The following NXN variants were observed in gnomAD, a reference collection of about 807,000 sequenced individuals.
NXN encodes nucleoredoxin.
A neutral mutation model predicts 48.6 loss-of-function variants in NXN; 16 were observed. That is an observed-to-expected ratio of 0.33 (90% CI 0.22 to 0.50). The LOEUF is 0.50. NXN is among the 20% of genes least tolerant of loss of function. The pLI is 0.98. For synonymous variants in NXN, 281 were observed against 269.6 expected, an observed-to-expected ratio of 1.04 and a Z score of -0.41; for missense variants, 492 against 605.5, an observed-to-expected ratio of 0.81 and a Z score of 1.97.
intron 1 of NXN, among the ~76,000 whole-genome samples, chr17:852,877 T>C (rs922169045): frequency 2.6e-5 from 4 of 152,190 alleles, no homozygotes; most frequent in Non-Finnish European, 5.9e-5. Context: ...AGGATGCCTA[T>C]TTCCCCAGGA....
intron 5 of NXN, among the ~76,000 whole-genome samples, chr17:810,166 CG>C (rs1911879618): frequency 3.1e-5 from 3 of 95,330 alleles, no homozygotes; most frequent in Non-Finnish European, 5.9e-5. Context: ...GTGCACGTTA[CG>C]AGTCTGTGAC....
intron 1 of NXN, among the ~76,000 whole-genome samples, chr17:859,759 TGAAAG>T (rs1234942531): frequency 6.6e-5 from 10 of 152,200 alleles, no homozygotes; most frequent in African/African-American, 2.4e-4. Context: ...TCCTTCTCTC[TGAAAG>T]GCCTGGCCCT....
At chr17:951,156 G>A (rs1449605634) in intron 1 of NXN, among the ~76,000 whole-genome samples, 5 of 126,786 alleles carry the variant, frequency 3.9e-5, no homozygotes, top group African/African-American at 1.5e-4. Context: ...GGCCAACATG[G>A]TGAAACCCTG....
At chr17:916,822 C>T (rs778538181) in intron 1 of NXN, among the ~76,000 whole-genome samples, 2 of 152,058 alleles carry the variant, frequency 1.3e-5, no homozygotes, top group Non-Finnish European at 1.5e-5. Flanking sequence ...CACTTGAACC[C>T]GGGAGGTGGA....
At chr17:903,170 G>A (rs1288756037) in intron 1 of NXN, among the ~76,000 whole-genome samples, 1 of 151,936 alleles carries the variant, frequency 6.6e-6, no homozygotes, top group Admixed American at 6.6e-5. Context: ...CAGTTATGAC[G>A]TGCTCACCTC....
intron 1 of NXN, among the ~76,000 whole-genome samples, chr17:943,952 A>G (rs963458105): frequency 1.3e-5 from 2 of 151,868 alleles, no homozygotes; most frequent in African/African-American, 4.8e-5. Flanking sequence ...AAATAACAAT[A>G]TTTGGCCGGG....
intron 1 of NXN, among the ~76,000 whole-genome samples, chr17:950,716 C>G (rs1381435810): frequency 6.6e-6 from 1 of 152,026 alleles, no homozygotes; most frequent in African/African-American, 2.4e-5. Context: ...TATAAGGAGG[C>G]TCAGAGGATG....
chr17:836,430 C>A (rs1913829649), intron 1 of NXN, among the ~76,000 whole-genome samples: 1 of 152,208 alleles, frequency 6.6e-6, no homozygotes, highest in Admixed American at 6.5e-5. Flanking sequence ...ACAATCAAAA[C>A]CATCCTTTCT....
At chr17:876,833 G>A (rs2068221779) in intron 1 of NXN, among the ~76,000 whole-genome samples, 1 of 152,054 alleles carries the variant, frequency 6.6e-6, no homozygotes, top group South Asian at 2.1e-4. Flanking sequence ...GATCACCTGA[G>A]GTCGGGAGTT....
intron 1 of NXN, among the ~76,000 whole-genome samples, chr17:844,743 C>G (rs1027081898): frequency 1.3e-5 from 2 of 152,082 alleles, no homozygotes; most frequent in African/African-American, 4.8e-5. Context: ...TGCCACCATA[C>G]CCGGCTAATT....
intron 1 of NXN, among the ~76,000 whole-genome samples, chr17:912,854 T>C (rs1024800110): frequency 6.6e-6 from 1 of 151,990 alleles, no homozygotes; most frequent in Non-Finnish European, 1.5e-5. Flanking sequence ...CTCGGGAGGC[T>C]GAGGCAGGAG....
At chr17:862,053 A>T (rs1245906868) in intron 1 of NXN, among the ~76,000 whole-genome samples, 1 of 151,988 alleles carries the variant, frequency 6.6e-6, no homozygotes, top group African/African-American at 2.4e-5. Flanking sequence ...CTGGTCTCGA[A>T]CTCCTGAGCT....
At position 832,209 on chromosome 17, in the gene NXN, G is replaced by A. The variant is rs188200140; in HGVS notation, c.361-6131C>T. Among the ~76,000 whole-genome samples the A allele has an allele frequency of 7.9e-5, 12 of 151,616 alleles. 2 individuals are homozygous for A. The highest frequency in any genetic ancestry group is 1.9e-4 in the African/African-American group (8 of 41,276). On this transcript the variant is annotated intron_variant, in intron 1 of 7. Coordinates refer to ENST00000336868, the MANE Select transcript of NXN (RefSeq NM_022463.5). Reference sequence around the variant, plus strand: ...TTTTTCTTTTTTGAGATGGAGTCTCGCTCTGTCACCCAGGCTGGAGTGCAG... The same window carrying A: ...TTTTTCTTTTTTGAGATGGAGTCTCACTCTGTCACCCAGGCTGGAGTGCAG...
chr17:802,595 G>C (rs1911263242), intron 7 of NXN, among the ~76,000 whole-genome samples: 1 of 152,224 alleles, frequency 6.6e-6, no homozygotes, highest in African/African-American at 2.4e-5. Flanking sequence ...CATTCTGCAG[G>C]GGTTGGAGTC....
chr17:880,571 G>A (rs990215333), intron 1 of NXN, among the ~76,000 whole-genome samples: 2 of 152,004 alleles, frequency 1.3e-5, no homozygotes, highest in Non-Finnish European at 2.9e-5. Flanking sequence ...GCCAGGCCAG[G>A]GAGAAAATTA....
chr17:822,637 G>A (rs1265890057), intron 3 of NXN, among the ~76,000 whole-genome samples, 180 bp from the exon 4 acceptor site: 3 of 152,064 alleles, frequency 2.0e-5, no homozygotes, highest in Admixed American at 6.5e-5. Flanking sequence ...TCAGAAGATC[G>A]CTTGAGCCCA....
intron 1 of NXN, among the ~76,000 whole-genome samples, chr17:918,558 C>T (rs940976136): frequency 5.3e-5 from 8 of 152,144 alleles, no homozygotes; most frequent in South Asian, 2.1e-4. Context: ...AAAGTGAGGC[C>T]GAGGCGGGCG....
chr17:884,247 T>TTA (rs1555618345), intron 1 of NXN, among the ~76,000 whole-genome samples: 2 of 149,248 alleles, frequency 1.3e-5, no homozygotes, highest in Admixed American at 1.3e-4. Flanking sequence ...AATAAATAAA[T>TTA]AATAAAACGA....
chr17:857,975 T>TTC (rs1362687802), intron 1 of NXN, among the ~76,000 whole-genome samples: 1 of 151,388 alleles, frequency 6.6e-6, no homozygotes, highest in Non-Finnish European at 1.5e-5. Context: ...ATAAATCTTT[T>TTC]TTTTTTTTTT....
Sources: allele counts gnomAD v4.1 joint callset (sites outside exome capture counted in the v4.1 genomes callset), GRCh38; gene constraint gnomAD v4.1.1; transcripts MANE v1.5; gene names NCBI Gene and HGNC (gene_info 2026-07-23, HGNC 2026-07-21).